Variants in ABCC4 observed in about 807,000 individuals in gnomAD.
ABCC4 encodes the protein ATP binding cassette subfamily C member 4 (PEL blood group), also known as ATP-binding cassette sub-family C member 4.
In ABCC4, 102 loss-of-function variants were observed where a neutral mutation model predicts 168.5. The observed-to-expected ratio is 0.61, with a 90% CI of 0.52 to 0.71. The LOEUF (loss-of-function observed/expected upper bound fraction) is 0.71. ABCC4 is among the 30% of genes least tolerant of loss of function. ABCC4 has a pLI of 0.00. For synonymous variants in ABCC4, 617 were observed against 590.7 expected, an observed-to-expected ratio of 1.04 and a Z score of -0.65; for missense variants, 1,402 against 1,605.8, an observed-to-expected ratio of 0.87 and a Z score of 2.17.
chr13:95,058,141 AAAAAATAAAAAT>A (rs1162579894), intron 26 of ABCC4, among the ~76,000 whole-genome samples: 11 of 152,216 alleles, frequency 7.2e-5, no homozygotes, highest in Non-Finnish European at 1.5e-4. Context: ...AAGGTTTTGG[AAAAAATAAAAAT>A]AAAAATAAAA....
chr13:95,145,854 AC>A (rs574582138), intron 19 of ABCC4, among the ~76,000 whole-genome samples: 1 of 152,222 alleles, frequency 6.6e-6, no homozygotes, highest in South Asian at 2.1e-4. Flanking sequence ...GAAACAGAAA[AC>A]CAAATATCAC....
intron 19 of ABCC4, 29 bp from the exon 20 acceptor site, chr13:95,116,030 C>A: frequency 6.4e-7 from 1 of 1,556,322 alleles, no homozygotes; most frequent in South Asian, 1.1e-5. Flanking sequence ...AAAAATTACT[C>A]ATTTCCCCAG....
intron 1 of ABCC4, among the ~76,000 whole-genome samples, chr13:95,280,098 C>T (rs1434795970): frequency 1.3e-5 from 2 of 152,112 alleles, no homozygotes; most frequent in African/African-American, 4.8e-5. Context: ...CCGTTTTGCC[C>T]GTCACCAACT....
At chr13:95,165,212 GA>G (rs1198403748) in intron 15 of ABCC4, among the ~76,000 whole-genome samples, 1 of 152,174 alleles carries the variant, frequency 6.6e-6, no homozygotes, top group Non-Finnish European at 1.5e-5. Flanking sequence ...ACTCAAGATG[GA>G]AACATAAAAG....
At chr13:95,258,866 G>A (rs1415467454) in intron 1 of ABCC4, among the ~76,000 whole-genome samples, 1 of 152,206 alleles carries the variant, frequency 6.6e-6, no homozygotes, top group Non-Finnish European at 1.5e-5. Flanking sequence ...ATAGTGCATT[G>A]TAAAGTACTT....
intron 29 of ABCC4, among the ~76,000 whole-genome samples, chr13:95,035,850 C>T (rs181988830): frequency 6.6e-6 from 1 of 152,262 alleles, no homozygotes; most frequent in Admixed American, 6.5e-5. Flanking sequence ...AGAGAATATG[C>T]TGAACCTCCA....
rs541505632 is a variant in ABCC4 at position 95,059,166 on chromosome 13, G to C, written c.3366+3538C>G. Among the ~76,000 whole-genome samples, 100 of 152,316 alleles carry C rather than the reference G, an allele frequency of 6.6e-4. 1 individual carries two copies. The highest frequency in any genetic ancestry group is 2.2e-3 in the African/African-American group (93 of 41,564). ...ACATGGGTTTAAAGTCCCTAGGAGAGGGTTCAGGAACTCAGGATCTGGCAT... is the reference window on the plus strand; with the variant it reads ...ACATGGGTTTAAAGTCCCTAGGAGACGGTTCAGGAACTCAGGATCTGGCAT... On this transcript the variant is annotated intron_variant, in intron 26 of 30. Coordinates refer to ENST00000645237, the MANE Select transcript of ABCC4 (RefSeq NM_005845.5).
chr13:95,286,956 C>CAAA (rs34188007), intron 1 of ABCC4, among the ~76,000 whole-genome samples: 3 of 118,834 alleles, frequency 2.5e-5, no homozygotes, highest in Non-Finnish European at 5.0e-5. Flanking sequence ...AACTCTGTCT[C>CAAA]AAAAAAAAAA....
At chr13:95,242,005 C>T (rs190752778) in intron 3 of ABCC4, among the ~76,000 whole-genome samples, 9 of 152,166 alleles carry the variant, frequency 5.9e-5, no homozygotes, top group African/African-American at 2.2e-4. Flanking sequence ...TCAACCTCAT[C>T]GCCAAGGTCT....
chr13:95,157,332 C>CAA lies in ABCC4; in HGVS notation c.2455+3855_2455+3856dup, dbSNP rs61066518. Among the ~76,000 whole-genome samples the CAA allele has an allele frequency of 1.0e-3, 146 of 139,928 alleles. 2 individuals carry two copies. The highest frequency in any genetic ancestry group is 3.0e-3 in the African/African-American group (116 of 38,704). The allele number at this position is 139,928 out of a possible 152,430, so 91.8% of individuals were successfully genotyped here. ...TAAAACCCTGTCTCTACTAAAAATA[C>CAA]AAAAAAAAAAAAAATTAGCCGGATG... On this transcript the variant is annotated intron_variant, in intron 19 of 30. Coordinates refer to ENST00000645237, the MANE Select transcript of ABCC4 (RefSeq NM_005845.5).
At chr13:95,116,294 T>C (rs1438049034) in intron 19 of ABCC4, among the ~76,000 whole-genome samples, 1 of 152,162 alleles carries the variant, frequency 6.6e-6, no homozygotes, top group South Asian at 2.1e-4. Context: ...GGTTCTAGAA[T>C]GTTCCCTCCT....
intron 25 of ABCC4, among the ~76,000 whole-genome samples, chr13:95,063,243 A>G (rs11840606): frequency 0.038 from 5,840 of 152,304 alleles, 394 homozygotes; most frequent in African/African-American, 0.13. Flanking sequence ...TGAAAAGTCA[A>G]CAGTCTCCTA....
At chr13:95,137,996 C>T (rs989972119) in intron 19 of ABCC4, among the ~76,000 whole-genome samples, 18 of 151,790 alleles carry the variant, frequency 1.2e-4, no homozygotes, top group African/African-American at 2.9e-4. Flanking sequence ...GGCGGTGGGG[C>T]GGGGGGAACC....
intron 15 of ABCC4, among the ~76,000 whole-genome samples, 171 bp from the exon 16 acceptor site, chr13:95,164,689 TTTTA>T (rs975761216): frequency 3.3e-5 from 5 of 151,882 alleles, no homozygotes; most frequent in Non-Finnish European, 7.4e-5. Flanking sequence ...TCCACTTATT[TTTTA>T]TTTATTTAAT....
rs368009361 is a variant in ABCC4 at position 95,096,188 on chromosome 13, GA to G, written c.2536-12899del. The G allele has an allele frequency of 9.8e-3, 4,703 of 481,222 alleles. 3 individuals carry two copies. Among genetic ancestry groups the G allele is most frequent in the South Asian group, 0.023 (937 of 41,222 alleles). 29.8% of individuals were successfully genotyped at this position (481,222 alleles called of 1,614,324 possible). A position where few individuals can be genotyped will look rare whatever the true frequency, so the allele number is the denominator to read the frequency against. On this transcript the variant is annotated intron_variant, in intron 20 of 30. Transcript: ENST00000645237. ...ACAGCGAGATCCCATCTCTATGAAA[GA>G]AAAAAAAAAACATATTCAATGGGCT...
intron 19 of ABCC4, among the ~76,000 whole-genome samples, chr13:95,139,252 G>A (rs1191353151): frequency 6.6e-6 from 1 of 152,198 alleles, no homozygotes. Context: ...AGACATGATG[G>A]GAACATCATT....
At chr13:95,104,240 A>G (rs1027496379) in intron 20 of ABCC4, among the ~76,000 whole-genome samples, 1 of 152,046 alleles carries the variant, frequency 6.6e-6, no homozygotes, top group East Asian at 1.9e-4. Context: ...CAGCCTCCCA[A>G]GTAGCTGGGA....
At position 95,020,278 on chromosome 13, in the gene ABCC4, T is replaced by A. The variant is rs1158219881; in HGVS notation, c.*1297A>T. 1.3e-5 allele frequency: 2 copies of A among 152,260 alleles called. No individual in the cohort carries two copies. The highest frequency in any genetic ancestry group is 2.9e-5 in the Non-Finnish European group (2 of 68,034). 9.4% of individuals were successfully genotyped at this position (152,260 alleles called of 1,614,324 possible). On this transcript the variant is annotated 3_prime_UTR_variant, in exon 31 of 31. Coordinates refer to ENST00000645237, the MANE Select transcript of ABCC4 (RefSeq NM_005845.5). ...ATGTATACAAACAAATGCACACGTG[T>A]GCATGTCTATATACATATATGCAAT...
At chr13:95,275,419 T>C (rs2138895787) in intron 1 of ABCC4, among the ~76,000 whole-genome samples, 1 of 152,326 alleles carries the variant, frequency 6.6e-6, no homozygotes, top group African/African-American at 2.4e-5. Context: ...ATAACTGAGA[T>C]TGCTTAAGCT....
Sources: allele counts gnomAD v4.1 joint callset (sites outside exome capture counted in the v4.1 genomes callset), GRCh38; gene constraint gnomAD v4.1.1; transcripts MANE v1.5; gene names NCBI Gene and HGNC (gene_info 2026-07-23, HGNC 2026-07-21).